Variants in PTPRD observed in about 807,000 individuals in gnomAD.
PTPRD encodes the protein protein tyrosine phosphatase receptor type D.
A neutral mutation model predicts 214.5 loss-of-function variants in PTPRD; 34 were observed. That is an observed-to-expected ratio of 0.16 (90% CI 0.12 to 0.21). PTPRD has a LOEUF of 0.21. Ranked by LOEUF, PTPRD falls within the 10% of genes least tolerant of loss-of-function variation. The probability of loss-of-function intolerance (pLI) is 1.00; values close to 1 mark genes in which losing one functional copy is unlikely to be tolerated. For missense variants in PTPRD, 2,545 were observed against 2,398.7 expected, an observed-to-expected ratio of 1.06 and a Z score of -1.27; for synonymous variants, 1,128 against 845.7, an observed-to-expected ratio of 1.33 and a Z score of -5.79.
chr9:10,206,393 T>G (rs1219468225), intron 3 of PTPRD, among the ~76,000 whole-genome samples: 1 of 152,100 alleles, frequency 6.6e-6, no homozygotes, highest in African/African-American at 2.4e-5. Context: ...CAAAGCCAAC[T>G]CCCTCCCAAT....
At chr9:8,893,305 CA>C (rs2098558196) in intron 11 of PTPRD, among the ~76,000 whole-genome samples, 1 of 152,116 alleles carries the variant, frequency 6.6e-6, no homozygotes, top group Non-Finnish European at 1.5e-5. Flanking sequence ...AGCCACCTTT[CA>C]TTATCAGGAG....
intron 2 of PTPRD, among the ~76,000 whole-genome samples, chr9:10,549,310 A>G (rs150805164): frequency 5.6e-4 from 86 of 152,244 alleles, no homozygotes; most frequent in African/African-American, 2.0e-3. Flanking sequence ...CAGCCCTCTA[A>G]TCACCAGTGA....
intron 2 of PTPRD, among the ~76,000 whole-genome samples, chr9:10,531,409 T>C (rs530911811): frequency 1.2e-3 from 188 of 152,222 alleles, no homozygotes; most frequent in African/African-American, 4.4e-3. Context: ...GGAAATGGGA[T>C]GACAGACAGA....
intron 7 of PTPRD, among the ~76,000 whole-genome samples, chr9:9,631,956 A>G (rs899479382): frequency 1.3e-5 from 2 of 152,232 alleles, no homozygotes; most frequent in African/African-American, 4.8e-5. Context: ...CAGGTGATAT[A>G]AAAAGTAAGG....
intron 14 of PTPRD, among the ~76,000 whole-genome samples, chr9:8,596,454 G>A (rs1057115004): frequency 3.3e-5 from 5 of 152,050 alleles, no homozygotes; most frequent in African/African-American, 1.2e-4. Context: ...TGAGTTCATG[G>A]TTCTATTTAT....
chr9:9,969,872 C>G (rs1452744192), intron 4 of PTPRD, among the ~76,000 whole-genome samples: 1 of 152,186 alleles, frequency 6.6e-6, no homozygotes, highest in Admixed American at 6.5e-5. Flanking sequence ...AGTGGGGAAG[C>G]AGGAACTTGT....
At chr9:9,179,704 C>T (rs1383141526) in intron 10 of PTPRD, among the ~76,000 whole-genome samples, 1 of 152,016 alleles carries the variant, frequency 6.6e-6, no homozygotes, top group African/African-American at 2.4e-5. Context: ...ATAATGGAAA[C>T]CTGATTCTTT....
At chr9:10,532,951 G>C (rs777231094) in intron 2 of PTPRD, among the ~76,000 whole-genome samples, 1 of 152,030 alleles carries the variant, frequency 6.6e-6, no homozygotes, top group Non-Finnish European at 1.5e-5. Flanking sequence ...CAGTGTGGCA[G>C]TGTTGGGATG....
chr9:9,659,566 T>C (rs2096584126), intron 7 of PTPRD, among the ~76,000 whole-genome samples: 1 of 152,026 alleles, frequency 6.6e-6, no homozygotes, highest in African/African-American at 2.4e-5. Context: ...AGTTGAGAAT[T>C]ACTGTTACAG....
rs2138520130 is a variant in PTPRD, at chr9:8,518,120, A to G, written c.1271T>C (p.Val424Ala). The G allele has an allele frequency of 6.2e-7, 1 of 1,614,126 alleles. No individual in the cohort carries two copies. The highest frequency in any genetic ancestry group is 1.1e-5 in the South Asian group (1 of 91,082). Residue 424 changes from valine to alanine, a missense_variant, in exon 21 of 46, where the codon GTC becomes GCC. Transcript: ENST00000381196. ...EQAPSSAPRDVQARMLSSTTI... is the reference protein window; with the variant it reads ...EQAPSSAPRDAQARMLSSTTI... ...GGTCGAACTCAACATTCGTGCCTGG[A>G]CATCCCTCGGGGCACTGGATGGTGC...
intron 39 of PTPRD, among the ~76,000 whole-genome samples, chr9:8,354,054 G>T (rs1011408860): frequency 1.3e-5 from 2 of 148,566 alleles, no homozygotes; most frequent in Non-Finnish European, 3.0e-5. Flanking sequence ...CACCTCCCAG[G>T]TTCAAGCAAT....
At chr9:10,542,960 G>A (rs540593971) in intron 2 of PTPRD, among the ~76,000 whole-genome samples, 4 of 152,014 alleles carry the variant, frequency 2.6e-5, no homozygotes, top group African/African-American at 4.8e-5. Flanking sequence ...CATGTTGGTC[G>A]CACTGGTCTT....
chr9:8,699,958 T>C (rs756398626), intron 12 of PTPRD, among the ~76,000 whole-genome samples: 2 of 152,172 alleles, frequency 1.3e-5, no homozygotes, highest in Non-Finnish European at 2.9e-5. Context: ...TTTTCAAATA[T>C]CAGTAATGCT....
chr9:10,150,258 AC>A (rs2099051763), intron 3 of PTPRD, among the ~76,000 whole-genome samples: 1 of 152,180 alleles, frequency 6.6e-6, no homozygotes, highest in African/African-American at 2.4e-5. Context: ...CTTGGAACCA[AC>A]CCAAATGTCC....
intron 3 of PTPRD, among the ~76,000 whole-genome samples, chr9:10,177,037 G>C (rs1185745096): frequency 3.3e-5 from 5 of 151,880 alleles, no homozygotes; most frequent in African/African-American, 1.2e-4. Flanking sequence ...CAGCATGCTA[G>C]GTACATGGGA....
chr9:8,379,234 G>A lies in PTPRD; in HGVS notation c.4387-2508C>T, dbSNP rs560306209. Among the ~76,000 whole-genome samples, 9 of 152,184 alleles carry A rather than the reference G, an allele frequency of 5.9e-5. No homozygotes were observed. In the East Asian group the frequency reaches 9.7e-4, roughly 16 times the overall value. On this transcript the variant is annotated intron_variant, in intron 37 of 45. Coordinates refer to ENST00000381196, the MANE Select transcript of PTPRD (RefSeq NM_002839.4). ...CCTTATGAAAAATAAATATCCTAAC[G>A]TATGTGGAAATGCACACACATGGCC...
intron 9 of PTPRD, among the ~76,000 whole-genome samples, chr9:9,209,038 G>A (rs1459753944): frequency 6.6e-6 from 1 of 151,974 alleles, no homozygotes; most frequent in Non-Finnish European, 1.5e-5. Flanking sequence ...TCGATCTCCT[G>A]ACCTCGTGAT....
intron 9 of PTPRD, among the ~76,000 whole-genome samples, chr9:9,322,739 A>G (rs950828726): frequency 2.6e-5 from 4 of 152,164 alleles, no homozygotes; most frequent in South Asian, 2.1e-4. Flanking sequence ...ACCGTTTTGT[A>G]GAGACTTCAA....
intron 10 of PTPRD, among the ~76,000 whole-genome samples, chr9:9,106,381 A>G (rs1179066783): frequency 6.6e-6 from 1 of 151,924 alleles, no homozygotes; most frequent in Admixed American, 6.6e-5. Flanking sequence ...AATACTTAAT[A>G]TGTTAATTTA....
Sources: gnomAD v4.1 joint callset for allele counts (sites outside exome capture counted in the v4.1 genomes callset) on GRCh38, gnomAD v4.1.1 for gene constraint, MANE v1.5 for transcripts, NCBI Gene and HGNC (gene_info 2026-07-23, HGNC 2026-07-21) for gene names.